TMEM232: variants seen among roughly 807,000 people sequenced by gnomAD.
TMEM232 encodes transmembrane protein 232.
Under a neutral mutation model 78.8 loss-of-function variants are expected in TMEM232, and 80 were observed. The observed-to-expected ratio is 1.01, with a 90% CI of 0.85 to 1.22. The LOEUF (loss-of-function observed/expected upper bound fraction) is 1.22. Ranked by LOEUF, TMEM232 falls within the 50% of genes most tolerant of loss-of-function variation. The pLI, the probability that TMEM232 is intolerant of heterozygous loss-of-function variation, is 0.00. For missense variants in TMEM232, 881 were observed against 742.2 expected (o/e 1.19, Z -2.17); for synonymous variants, 297 against 254.3 (o/e 1.17, Z -1.60).
At chr5:110,442,761 C>T (rs1427502621) in intron 12 of TMEM232, among the ~76,000 whole-genome samples, 1 of 152,032 alleles carries the variant, frequency 6.6e-6, no homozygotes, top group African/African-American at 2.4e-5. Context: ...TGTGGTCATC[C>T]TTCTGGAGAA....
chr5:110,481,974 A>C (rs1270975329), intron 12 of TMEM232, among the ~76,000 whole-genome samples: 1 of 152,192 alleles, frequency 6.6e-6, no homozygotes, highest in Non-Finnish European at 1.5e-5. Context: ...AATAATAAGA[A>C]CCAAGATTTA....
chr5:110,646,513 A>G (rs1164425616), intron 2 of TMEM232, among the ~76,000 whole-genome samples: 1 of 151,832 alleles, frequency 6.6e-6, no homozygotes, highest in Admixed American at 6.6e-5. Context: ...GAAGAACGTA[A>G]TTAGACCCTT....
rs553327583 is a variant in TMEM232, at chr5:110,422,340, G to A, written c.1798-1584C>T. 2.7e-4 allele frequency among the ~76,000 whole-genome samples: 41 copies of A among 151,162 alleles called. 2 individuals are homozygous for A. The South Asian group carries it at 7.7e-3, about 29-fold the overall frequency. The stretch of plus-strand genomic sequence containing the variant: ...ACCATCCTGGCTAACACGGTGAAAC[G>A]CCGTCTCTACTAAACAAAATACAAA... On this transcript the variant is annotated intron_variant, in intron 13 of 13. Transcript: ENST00000455884.
At chr5:110,587,403 C>T (rs1186013059) in intron 10 of TMEM232, among the ~76,000 whole-genome samples, 1 of 151,998 alleles carries the variant, frequency 6.6e-6, no homozygotes, top group African/African-American at 2.4e-5. Flanking sequence ...TGTGTAAATA[C>T]TGTGGCTGTT....
At chr5:110,629,610 G>A (rs572101665) in intron 5 of TMEM232, among the ~76,000 whole-genome samples, 5 of 151,700 alleles carry the variant, frequency 3.3e-5, no homozygotes, top group South Asian at 2.1e-4. Context: ...TCCTTCATTC[G>A]ACCTTTACCT....
chr5:110,486,007 G>A (rs1441306634), intron 12 of TMEM232, among the ~76,000 whole-genome samples: 1 of 151,708 alleles, frequency 6.6e-6, no homozygotes, highest in Non-Finnish European at 1.5e-5. Flanking sequence ...TTTTATTATG[G>A]CCATTCTTGC....
intron 11 of TMEM232, among the ~76,000 whole-genome samples, chr5:110,544,372 C>A (rs2149589102): frequency 7.0e-6 from 1 of 141,982 alleles, no homozygotes; most frequent in African/African-American, 2.6e-5. Flanking sequence ...GCAAAGGCTG[C>A]ATTAATGCAG....
At chr5:110,556,341 C>CTCCATTCCCT (rs1775078229) in intron 11 of TMEM232, among the ~76,000 whole-genome samples, 1 of 144,604 alleles carries the variant, frequency 6.9e-6, no homozygotes, top group Non-Finnish European at 1.5e-5. Context: ...CCTTTCCTTC[C>CTCCATTCCCT]TCCCTTCCCT....
At chr5:110,400,386 C>A (rs372947940) in intron 2 of TMEM232, among the ~76,000 whole-genome samples, 1 of 151,936 alleles carries the variant, frequency 6.6e-6, no homozygotes, top group East Asian at 1.9e-4. Flanking sequence ...AAAATGCCTG[C>A]CACATTACAA....
intron 11 of TMEM232, among the ~76,000 whole-genome samples, chr5:110,557,742 T>TA (rs1423512660): frequency 3.3e-5 from 5 of 152,096 alleles, no homozygotes; most frequent in Non-Finnish European, 7.4e-5. Flanking sequence ...GGGATGGTGT[T>TA]AAACTATTAG....
At chr5:110,445,162 T>A (rs1390064499) in intron 12 of TMEM232, among the ~76,000 whole-genome samples, 1 of 152,030 alleles carries the variant, frequency 6.6e-6, no homozygotes, top group African/African-American at 2.4e-5. Context: ...GTTTCAAAAT[T>A]TTCTGATTGC....
At chr5:110,599,602 G>A (rs545952862) in intron 10 of TMEM232, among the ~76,000 whole-genome samples, 183 of 152,146 alleles carry the variant, frequency 1.2e-3, no homozygotes, top group Non-Finnish European at 2.2e-3. Context: ...AGGGATCCAT[G>A]CAACAAGAAG....
intron 1 of TMEM232, among the ~76,000 whole-genome samples, chr5:110,712,948 T>C (rs562476178): frequency 6.6e-6 from 1 of 152,272 alleles, no homozygotes; most frequent in East Asian, 1.9e-4. Flanking sequence ...ATCAAAAAGA[T>C]ATCTGCACTC....
intron 12 of TMEM232, among the ~76,000 whole-genome samples, chr5:110,491,789 T>C (rs913852245): frequency 1.3e-5 from 2 of 151,902 alleles, no homozygotes; most frequent in African/African-American, 2.4e-5. Context: ...TCTGCAAAGA[T>C]TTAAAATATT....
chr5:110,569,748 TACTA>T (rs1309693298), intron 10 of TMEM232, among the ~76,000 whole-genome samples: 2 of 151,778 alleles, frequency 1.3e-5, no homozygotes, highest in African/African-American at 2.4e-5. Flanking sequence ...CCGGAGGGGG[TACTA>T]ACTATGTGGT....
chr5:110,488,335 A>G (rs1472781034), intron 12 of TMEM232, among the ~76,000 whole-genome samples: 1 of 152,034 alleles, frequency 6.6e-6, no homozygotes, highest in African/African-American at 2.4e-5. Flanking sequence ...ATGGCAGGCA[A>G]CAAAACAGGC....
At chr5:110,732,728 A>G (rs1798796384) in intron 2 of TMEM232, among the ~76,000 whole-genome samples, 1 of 152,196 alleles carries the variant, frequency 6.6e-6, no homozygotes, top group African/African-American at 2.4e-5. Flanking sequence ...ACAACGAACC[A>G]TATCAGATAC....
chr5:110,587,681 ATATATATATATGTGTGTG>A lies in TMEM232; in HGVS notation c.1276+17410_1276+17427del, dbSNP rs1450490124. 4.5e-3 allele frequency among the ~76,000 whole-genome samples: 475 copies of A among 105,570 alleles called. 2 individuals are homozygous for A. Among genetic ancestry groups the A allele is most frequent in the African/African-American group, 0.021 (445 of 21,438 alleles). 69.3% of individuals were successfully genotyped at this position (105,570 alleles called of 152,430 possible). The stretch of plus-strand genomic sequence containing the variant: ...CATGTATGTATATATATATATATAT[ATATATATATATGTGTGTG>A]TGTGTGTGTGTGTGTGTGTGTGTGT... On this transcript the variant is annotated intron_variant, in intron 10 of 13. Coordinates refer to ENST00000455884, the MANE Select transcript of TMEM232 (RefSeq NM_001039763.4).
chr5:110,525,266 A>T (rs191674197), intron 12 of TMEM232, among the ~76,000 whole-genome samples: 1 of 152,072 alleles, frequency 6.6e-6, no homozygotes, highest in East Asian at 1.9e-4. Flanking sequence ...AAAGTATAAA[A>T]ATCAGGAAAG....
Sources: gnomAD v4.1 joint callset for allele counts (sites outside exome capture counted in the v4.1 genomes callset) on GRCh38, gnomAD v4.1.1 for gene constraint, MANE v1.5 for transcripts, NCBI Gene and HGNC (gene_info 2026-07-23, HGNC 2026-07-21) for gene names.